Variants in MECOM observed in about 807,000 individuals in gnomAD.
MECOM encodes MDS1 and EVI1 complex locus.
MECOM carries 13 observed loss-of-function variants against 116.3 expected under a neutral mutation model. That is an observed-to-expected ratio of 0.11 (90% CI 0.07 to 0.18). The LOEUF is 0.18. Ranked by LOEUF, MECOM falls within the 10% of genes least tolerant of loss-of-function variation. The probability of loss-of-function intolerance (pLI) is 1.00; values close to 1 mark genes in which losing one functional copy is unlikely to be tolerated. For synonymous variants in MECOM, 528 were observed against 535.2 expected (o/e 0.99, Z 0.19); for missense variants, 1,299 against 1,509.0 (o/e 0.86, Z 2.31).
chr3:169,331,304 G>A (rs970368250), intron 2 of MECOM, among the ~76,000 whole-genome samples: 1 of 152,040 alleles, frequency 6.6e-6, no homozygotes, highest in African/African-American at 2.4e-5. Context: ...CTTACTGATT[G>A]TCTGGGTTTT....
intron 2 of MECOM, among the ~76,000 whole-genome samples, chr3:169,149,172 T>G (rs1740703278): frequency 6.6e-6 from 1 of 151,916 alleles, no homozygotes; most frequent in African/African-American, 2.4e-5. Flanking sequence ...GGGATTTGTT[T>G]TATGATGCAT....
chr3:169,102,438 G>T (rs768980295), intron 10 of MECOM, among the ~76,000 whole-genome samples: 1 of 152,148 alleles, frequency 6.6e-6, no homozygotes, highest in East Asian at 1.9e-4. Flanking sequence ...AATGCTGAGC[G>T]AACTTTTTCC....
intron 1 of MECOM, among the ~76,000 whole-genome samples, chr3:169,405,945 A>G (rs918959372): frequency 6.6e-6 from 1 of 152,234 alleles, no homozygotes; most frequent in East Asian, 1.9e-4. Flanking sequence ...AGAAAATGCC[A>G]ACAGACTTCA....
intron 1 of MECOM, among the ~76,000 whole-genome samples, chr3:169,430,457 A>C (rs926936078): frequency 2.0e-5 from 3 of 152,028 alleles, no homozygotes; most frequent in Non-Finnish European, 4.4e-5. Context: ...TTTTCAAGTA[A>C]TTTTTTAGGC....
At chr3:169,105,778 C>T (rs1430938849) in intron 10 of MECOM, among the ~76,000 whole-genome samples, 1 of 152,102 alleles carries the variant, frequency 6.6e-6, no homozygotes, top group Non-Finnish European at 1.5e-5. Context: ...TCATTTCACC[C>T]TGTTCCAGTC....
chr3:169,183,501 C>T (rs1746256425), intron 2 of MECOM, among the ~76,000 whole-genome samples: 1 of 152,120 alleles, frequency 6.6e-6, no homozygotes, highest in East Asian at 1.9e-4. Flanking sequence ...ATCCTAAATA[C>T]CTAAAATGCC....
At chr3:169,578,023 C>T (rs559997055) in intron 1 of MECOM, among the ~76,000 whole-genome samples, 1 of 151,846 alleles carries the variant, frequency 6.6e-6, no homozygotes, top group East Asian at 1.9e-4. Context: ...AGAGTTGATG[C>T]TTCGTACTAA....
intron 2 of MECOM, among the ~76,000 whole-genome samples, chr3:169,251,746 G>A (rs1367750558): frequency 6.6e-6 from 1 of 152,158 alleles, no homozygotes. Context: ...TAATTAAAAT[G>A]TAGGCACATC....
rs1214368142 is a variant in MECOM, at chr3:169,161,810, T to C, written c.376-17978A>G. Among the ~76,000 whole-genome samples, 3 of 152,070 alleles carry C rather than the reference T, an allele frequency of 2.0e-5. No individual in the cohort carries two copies. In the East Asian group the frequency reaches 5.8e-4, roughly 29 times the overall value. ...CTCTCTCTCTCTCTCTCCCTGTCATTCATGTTCTGTGGATATGATGCAGCC... is the reference window on the plus strand; with the variant it reads ...CTCTCTCTCTCTCTCTCCCTGTCATCCATGTTCTGTGGATATGATGCAGCC... On this transcript the variant is annotated intron_variant, in intron 2 of 16. Coordinates refer to ENST00000651503, the MANE Select transcript of MECOM (RefSeq NM_004991.4).
intron 2 of MECOM, among the ~76,000 whole-genome samples, chr3:169,221,190 T>C (rs1752086647): frequency 1.3e-5 from 2 of 152,218 alleles, no homozygotes; most frequent in African/African-American, 2.4e-5. Flanking sequence ...AATCCTTACA[T>C]AGAATTTAGC....
At chr3:169,341,295 G>A (rs1289212869) in intron 2 of MECOM, among the ~76,000 whole-genome samples, 5 of 151,998 alleles carry the variant, frequency 3.3e-5, no homozygotes, top group Non-Finnish European at 7.4e-5. Context: ...GCCAGGCACA[G>A]AAAGACAAAC....
At chr3:169,088,540 T>A (rs1718602852) in intron 16 of MECOM, among the ~76,000 whole-genome samples, 2 of 152,182 alleles carry the variant, frequency 1.3e-5, no homozygotes, top group Admixed American at 1.3e-4. Flanking sequence ...AATTACAACA[T>A]GAGATGACTT....
chr3:169,569,163 G>C (rs891271620), intron 1 of MECOM, among the ~76,000 whole-genome samples: 5 of 147,916 alleles, frequency 3.4e-5, no homozygotes, highest in African/African-American at 7.5e-5. Context: ...CAAGCAAATG[G>C]AAAGAAAAAA....
intron 2 of MECOM, among the ~76,000 whole-genome samples, chr3:169,326,738 G>A (rs926540197): frequency 6.6e-6 from 1 of 152,166 alleles, no homozygotes; most frequent in African/African-American, 2.4e-5. Context: ...AAGTACTTGT[G>A]TGAAATTAAA....
intron 1 of MECOM, among the ~76,000 whole-genome samples, chr3:169,487,774 G>C (rs539840366): frequency 3.5e-5 from 3 of 85,828 alleles, no homozygotes; most frequent in Non-Finnish European, 6.4e-5. Context: ...AGAGATATAT[G>C]CAAAAAAGGG....
Position 169,259,317 on chromosome 3 carries a change from G to A in MECOM, c.376-115485C>T, listed in dbSNP as rs557352261. Among the ~76,000 whole-genome samples, 17 of 152,252 alleles carry A rather than the reference G, an allele frequency of 1.1e-4. No homozygotes were observed. The South Asian group carries it at 2.9e-3, about 26-fold the overall frequency. ...CTACATGTCTGAAGATACCGACACC[G>A]GCTCAAATCTTACGTTATACAGTAT... On this transcript the variant is annotated intron_variant, in intron 2 of 16. Transcript: ENST00000651503.
At chr3:169,162,705 A>G (rs1436652958) in intron 2 of MECOM, among the ~76,000 whole-genome samples, 2 of 152,192 alleles carry the variant, frequency 1.3e-5, no homozygotes, top group Non-Finnish European at 2.9e-5. Flanking sequence ...TAGGTTAGGT[A>G]TGTTTATCTT....
chr3:169,288,059 T>C (rs763244756), intron 2 of MECOM, among the ~76,000 whole-genome samples: 12 of 152,186 alleles, frequency 7.9e-5, no homozygotes, highest in Non-Finnish European at 1.6e-4. Flanking sequence ...GCAGCCAGCA[T>C]GTCACTGCTA....
At chr3:169,654,817 C>CACACAA (rs1167207059) in intron 1 of MECOM, among the ~76,000 whole-genome samples, 1,598 of 149,190 alleles carry the variant, frequency 0.011, 32 homozygotes, top group African/African-American at 0.037. Context: ...TATCAAAACA[C>CACACAA]ACACACACAC....
Sources: gnomAD v4.1 joint callset for allele counts (sites outside exome capture counted in the v4.1 genomes callset) on GRCh38, gnomAD v4.1.1 for gene constraint, MANE v1.5 for transcripts, NCBI Gene and HGNC (gene_info 2026-07-23, HGNC 2026-07-21) for gene names.